The following TG variants were observed in gnomAD, a reference collection of about 807,000 sequenced individuals.
TG encodes the protein thyroglobulin.
A neutral mutation model predicts 324.7 loss-of-function variants in TG; 270 were observed. The observed-to-expected ratio is 0.83, with a 90% confidence interval of 0.75 to 0.92. TG has a LOEUF of 0.92. Ranked by LOEUF, TG falls within the 40% of genes least tolerant of loss-of-function variation. The pLI is 0.00. For synonymous variants in TG, 1,401 were observed against 1,327.0 expected (o/e 1.06, Z -1.21); for missense variants, 3,591 against 3,456.4 (o/e 1.04, Z -0.98).
intron 28 of TG, among the ~76,000 whole-genome samples, chr8:132,961,316 G>A (rs558737119): frequency 7.9e-5 from 12 of 152,190 alleles, no homozygotes; most frequent in Non-Finnish European, 7.3e-5. Flanking sequence ...CTAGGTTCCC[G>A]CGAGATAAAG....
At chr8:133,117,186 G>A (rs1850767361) in intron 45 of TG, among the ~76,000 whole-genome samples, 1 of 152,176 alleles carries the variant, frequency 6.6e-6, no homozygotes, top group Non-Finnish European at 1.5e-5. Context: ...TCATCAAAAT[G>A]AGAAAGAGAA....
At chr8:132,919,115 T>G (rs1820774236) in intron 20 of TG, among the ~76,000 whole-genome samples, 1 of 152,190 alleles carries the variant, frequency 6.6e-6, no homozygotes, top group African/African-American at 2.4e-5. Context: ...CTCTTTATTT[T>G]ACCCCTATTT....
chr8:133,044,946 C>T, intron 41 of TG: 2 of 1,610,626 alleles, frequency 1.2e-6, no homozygotes, highest in Non-Finnish European at 1.7e-6. Flanking sequence ...TAAGAGGGGT[C>T]CCACCATCAC....
At chr8:132,953,937 A>T (rs1248579606) in intron 27 of TG, among the ~76,000 whole-genome samples, 2 of 152,122 alleles carry the variant, frequency 1.3e-5, no homozygotes, top group Admixed American at 1.3e-4. Context: ...TGAAGTGCAA[A>T]TGAATGGAAA....
In TG at chr8:132,911,378, T is replaced by G. The variant is rs2132376227; in HGVS notation, c.4004T>G (p.Val1335Gly). 6.2e-7 allele frequency: 1 copy of G among 1,614,206 alleles called. No individual in the cohort carries two copies. Among genetic ancestry groups the G allele is most frequent in the East Asian group, 2.2e-5 (1 of 44,876 alleles). Residue 1335 changes from valine to glycine, a missense_variant and splice_region_variant, in exon 19 of 48, where the codon GTG (valine) becomes GGG (glycine). By Grantham distance (109) the Val-to-Gly change is moderately radical. Coordinates refer to ENST00000220616, the MANE Select transcript of TG (RefSeq NM_003235.5). ...CTGAAAGTGTCTGTCTTCTTGTAGG[T>G]GAAGACTTTTGGCACCCTGGTTTCC... is the stretch of plus-strand genomic sequence containing the variant. ...LTARGFCQIQVKTFGTLVSIP... is the reference protein window; with the variant it reads ...LTARGFCQIQGKTFGTLVSIP...
chr8:132,905,081 G>C (rs189383145), intron 16 of TG, among the ~76,000 whole-genome samples: 1 of 152,306 alleles, frequency 6.6e-6, no homozygotes, highest in Non-Finnish European at 1.5e-5. Context: ...TATTAGCAAA[G>C]CTCTTAATGG....
At chr8:133,118,320 C>CTTTTTTTTTTTTTTTT (rs34171048) in intron 45 of TG, among the ~76,000 whole-genome samples, 2 of 88,978 alleles carry the variant, frequency 2.2e-5, no homozygotes, top group East Asian at 3.1e-4. Flanking sequence ...CAGATTCTTC[C>CTTTTTTTTTTTTTTTT]TTTTTTTTTT....
At chr8:132,929,003 C>G (rs754273084) in intron 22 of TG, 73 bp from the exon 23 acceptor site, 338 of 1,249,484 alleles carry the variant, frequency 2.7e-4, no homozygotes, top group Non-Finnish European at 3.7e-4. Flanking sequence ...CTTGACCTAA[C>G]AGTCTTTATG....
Position 133,048,016 on chromosome 8 carries a change from G to A in TG, c.7239+17993G>A, listed in dbSNP as rs1247874795. 3.9e-6 allele frequency: 3 copies of A among 759,980 alleles called. No individual in the cohort carries two copies. The African/African-American group carries it at 5.2e-5, about 13-fold the overall frequency. The allele number at this position is 759,980 out of a possible 1,614,324, so 47.1% of individuals were successfully genotyped here. Reference sequence around the variant, plus strand: ...AGGAATGCGCCACCCACCGTACTAAGCACCTGAAACCTAATCCTCACCTCA... The same window carrying A: ...AGGAATGCGCCACCCACCGTACTAAACACCTGAAACCTAATCCTCACCTCA... On this transcript the variant is annotated intron_variant, in intron 41 of 47. Coordinates refer to ENST00000220616, the MANE Select transcript of TG (RefSeq NM_003235.5).
intron 35 of TG, among the ~76,000 whole-genome samples, chr8:132,988,225 A>G (rs1312640057): frequency 2.6e-5 from 4 of 152,180 alleles, no homozygotes; most frequent in African/African-American, 9.7e-5. Flanking sequence ...CACCATAGAC[A>G]GGCAGGAAAA....
At chr8:133,053,678 T>C (rs2741197) in intron 41 of TG, among the ~76,000 whole-genome samples, 1,781 of 152,310 alleles carry the variant, frequency 0.012, 34 homozygotes, top group South Asian at 0.05. Flanking sequence ...ACAGAACAAT[T>C]GTCTTTCCTA....
chr8:132,963,258 A>G (rs1828032735), intron 29 of TG, among the ~76,000 whole-genome samples, 184 bp downstream of exon 29: 2 of 152,228 alleles, frequency 1.3e-5, no homozygotes, highest in African/African-American at 2.4e-5. Flanking sequence ...CAGATGGGCA[A>G]TTGTCACAGA....
At chr8:132,912,476 C>T (rs1157404857) in intron 19 of TG, among the ~76,000 whole-genome samples, 1 of 152,030 alleles carries the variant, frequency 6.6e-6, no homozygotes, top group African/African-American at 2.4e-5. Flanking sequence ...TGGCATGGTG[C>T]TCGCCTGCTT....
At chr8:132,952,089 G>A (rs1214865707) in intron 27 of TG, among the ~76,000 whole-genome samples, 1 of 152,190 alleles carries the variant, frequency 6.6e-6, no homozygotes, top group African/African-American at 2.4e-5. Flanking sequence ...ACAGACTCTG[G>A]AATCAGGCCC....
At position 133,134,670 on chromosome 8, in the gene TG, T is replaced by A. The variant is rs779324473; in HGVS notation, c.8189-6T>A. The A allele has an allele frequency of 1.4e-5, 22 of 1,613,212 alleles. No individual in the cohort carries two copies. In the South Asian group the frequency reaches 2.2e-4, roughly 16 times the overall value. ...TGGACCAACCTTCCTTGCCCCTCTG[T>A]TTCAGATGGAGCCAAGGGCGGGCAG... On this transcript the variant is annotated splice_polypyrimidine_tract_variant and splice_region_variant and intron_variant, in intron 47 of 47. Transcript: ENST00000220616.
chr8:133,039,338 G>A lies in TG; in HGVS notation c.7239+9315G>A, dbSNP rs138130212. ...TGAACTGCTCTTTTCTTGGATGGCT[G>A]ACACTTCCAGCTGTAAATTTTAGTA... On this transcript the variant is annotated intron_variant, in intron 41 of 47. Coordinates refer to ENST00000220616, the MANE Select transcript of TG (RefSeq NM_003235.5). Among the ~76,000 whole-genome samples, 658 of 152,154 alleles carry A rather than the reference G, an allele frequency of 4.3e-3. 9 individuals are homozygous for A. Among genetic ancestry groups the A allele is most frequent in the African/African-American group, 0.015 (627 of 41,518 alleles).
intron 41 of TG, chr8:133,046,509 G>A (rs1035568560): frequency 2.6e-5 from 4 of 152,212 alleles, no homozygotes; most frequent in African/African-American, 7.2e-5. Context: ...TAAGCAGACC[G>A]AGGGTAGCAA....
chr8:133,039,813 C>A (rs890757266), intron 41 of TG, among the ~76,000 whole-genome samples: 3 of 152,146 alleles, frequency 2.0e-5, no homozygotes, highest in Non-Finnish European at 2.9e-5. Flanking sequence ...GCTGCCCCTG[C>A]ACCCAGGGAT....
At chr8:132,985,073 T>C (rs1162494461) in intron 35 of TG, among the ~76,000 whole-genome samples, 1 of 152,226 alleles carries the variant, frequency 6.6e-6, no homozygotes, top group South Asian at 2.1e-4. Flanking sequence ...TCCGTGTTTC[T>C]AAGTTACAGT....
Sources: allele counts gnomAD v4.1 joint callset (sites outside exome capture counted in the v4.1 genomes callset), GRCh38; gene constraint gnomAD v4.1.1; transcripts MANE v1.5; gene names NCBI Gene and HGNC (gene_info 2026-07-23, HGNC 2026-07-21).